The following SH3RF2 variants were observed in gnomAD, a reference collection of about 807,000 sequenced individuals.
SH3RF2 encodes the protein E3 ubiquitin-protein ligase SH3RF2.
SH3RF2 carries 43 observed loss-of-function variants against 59.0 expected under a neutral mutation model. The ratio of observed to expected loss-of-function variants is 0.73; its 90% CI spans 0.57 to 0.94. The LOEUF (loss-of-function observed/expected upper bound fraction) is 0.94, where lower values mean the gene tolerates loss of function less well. Among genes scored for constraint, SH3RF2 ranks in the 40% least tolerant of loss-of-function variants. The pLI, the probability that SH3RF2 is intolerant of heterozygous loss-of-function variation, is 0.00. For missense variants in SH3RF2, 930 were observed against 940.1 expected (o/e 0.99, Z 0.14); for synonymous variants, 391 against 391.5 (o/e 1.00, Z 0.01).
At chr5:146,059,561 C>CGT (rs144618502) in intron 8 of SH3RF2, among the ~76,000 whole-genome samples, 91 of 150,802 alleles carry the variant, frequency 6.0e-4, no homozygotes, top group African/African-American at 2.0e-3. Context: ...TGTGTGTGTG[C>CGT]GTGTGTGTGT....
chr5:145,997,474 T>G, intron 2 of SH3RF2: 1 of 1,560,072 alleles, frequency 6.4e-7, no homozygotes, highest in Non-Finnish European at 8.8e-7. Context: ...AATGGGATAA[T>G]GGATACAGTA....
chr5:145,997,979 A>G, intron 2 of SH3RF2: 1 of 764,724 alleles, frequency 1.3e-6, no homozygotes, highest in Non-Finnish European at 2.4e-6. Context: ...GGTCCCACCC[A>G]GAACATATAG....
At chr5:145,981,664 G>T (rs964546996) in intron 2 of SH3RF2, among the ~76,000 whole-genome samples, 14 of 152,158 alleles carry the variant, frequency 9.2e-5, no homozygotes, top group African/African-American at 3.4e-4. Flanking sequence ...GTGATAGTTA[G>T]ATCTTGAACT....
In SH3RF2 at chr5:146,062,811, G is replaced by A; in HGVS notation, c.*110G>A. 2 of 1,429,498 alleles carry A rather than the reference G, an allele frequency of 1.4e-6. No homozygotes were observed. Among genetic ancestry groups the A allele is most frequent in the Non-Finnish European group, 1.9e-6 (2 of 1,072,348 alleles). The allele number at this position is 1,429,498 out of a possible 1,614,324, so 88.6% of individuals were successfully genotyped here. On this transcript the variant is annotated 3_prime_UTR_variant, in exon 10 of 10. Transcript: ENST00000359120. Reference sequence around the variant, plus strand: ...TTTGGGGACTTGAGCATGGGTCCTTGTTCTTCCTATTTCACCTCCAGGAAA... The same window carrying A: ...TTTGGGGACTTGAGCATGGGTCCTTATTCTTCCTATTTCACCTCCAGGAAA...
chr5:146,003,399 T>C (rs138922148), intron 3 of SH3RF2, among the ~76,000 whole-genome samples: 1 of 152,360 alleles, frequency 6.6e-6, no homozygotes, highest in African/African-American at 2.4e-5. Flanking sequence ...CTTTATTCTA[T>C]GCATGTGTGT....
At chr5:146,081,225 C>T (rs1320021859) in exon 10 of SH3RF2, 1 of 151,110 alleles carries the variant, frequency 6.6e-6, no homozygotes, top group Non-Finnish European at 1.5e-5. Flanking sequence ...GAGTTATTGT[C>T]TCTCACTTCA....
At chr5:145,936,738 C>T (rs1314562258) in intron 1 of SH3RF2, 44 bp downstream of exon 1, 2 of 152,474 alleles carry the variant, frequency 1.3e-5, no homozygotes, top group Non-Finnish European at 2.9e-5. Flanking sequence ...GCCGCGCTGA[C>T]ATCTTTGGAG....
In SH3RF2 at chr5:145,964,266, C is replaced by G. The variant is rs551407897; in HGVS notation, c.378+25960C>G. Among the ~76,000 whole-genome samples, 58 of 134,812 alleles carry G rather than the reference C, an allele frequency of 4.3e-4. 1 individual carries two copies. The South Asian group carries it at 0.013, about 30-fold the overall frequency. The allele number at this position is 134,812 out of a possible 152,430, so 88.4% of individuals were successfully genotyped here. A position where few individuals can be genotyped will look rare whatever the true frequency, so the allele number is the denominator to read the frequency against. On this transcript the variant is annotated intron_variant, in intron 2 of 9. Coordinates refer to ENST00000359120, the MANE Select transcript of SH3RF2 (RefSeq NM_152550.4). ...CTTCTTTCTCTTTCTTTCTTCTTTC[C>G]CTTCTTTTCCTTCCTTCCTTCCTTC... is the stretch of plus-strand genomic sequence containing the variant.
chr5:145,966,137 A>T (rs1369958860), intron 2 of SH3RF2, among the ~76,000 whole-genome samples: 1 of 152,184 alleles, frequency 6.6e-6, no homozygotes, highest in African/African-American at 2.4e-5. Context: ...CACAATAGGA[A>T]ACCTCTAGGA....
chr5:146,079,991 C>G (rs1175286249), exon 10 of SH3RF2: 1 of 152,254 alleles, frequency 6.6e-6, no homozygotes, highest in African/African-American at 2.4e-5. Context: ...TCTCTGGGAA[C>G]TTTCCATGAG....
At position 146,060,184 on chromosome 5, in the gene SH3RF2, T is replaced by G. The variant is rs960168746; in HGVS notation, c.1874T>G (p.Ile625Ser). 6.2e-7 allele frequency: 1 copy of G among 1,612,454 alleles called. No individual in the cohort carries two copies. The highest frequency in any genetic ancestry group is 1.3e-5 in the African/African-American group (1 of 74,832). ...CCGCCCGCATCTGCCCCACCATCCA[T>G]CCTGGTGAAACCAGAAAACTCAAGA... ...PKPPASAPPS[I>S]LVKPENSRNG... Residue 625 changes from isoleucine to serine, a missense_variant, in exon 9 of 10, where the codon ATC (isoleucine) becomes AGC (serine). Ile to Ser is a moderately radical substitution (Grantham distance 142). Coordinates refer to ENST00000359120, the MANE Select transcript of SH3RF2 (RefSeq NM_152550.4).
At chr5:146,018,531 A>G (rs1761194026) in intron 5 of SH3RF2, among the ~76,000 whole-genome samples, 1 of 149,862 alleles carries the variant, frequency 6.7e-6, no homozygotes, top group Admixed American at 6.8e-5. Flanking sequence ...CACACACACC[A>G]CATTTTCTTT....
At chr5:146,026,816 GT>G (rs1487249794) in intron 5 of SH3RF2, among the ~76,000 whole-genome samples, 1 of 152,190 alleles carries the variant, frequency 6.6e-6, no homozygotes, top group African/African-American at 2.4e-5. Context: ...CTGAGCCTCA[GT>G]TTTTATATCT....
rs1166195561 is a variant in SH3RF2, at chr5:146,056,065, C to T, written c.1407C>T (p.Gly469=). 2 of 1,614,120 alleles carry T rather than the reference C, an allele frequency of 1.2e-6. No homozygotes were observed. Among genetic ancestry groups the T allele is most frequent in the East Asian group, 2.2e-5 (1 of 44,898 alleles). Residue 469 remains glycine (G), a synonymous_variant, in exon 8 of 10, where the codon GGC becomes GGT. Transcript: ENST00000359120. ...CCACCTCCTCTGTGTCCTCCCAAGGCAGCATTTCAGAAGGTGATCCACGGC... is the reference window on the plus strand; with the variant it reads ...CCACCTCCTCTGTGTCCTCCCAAGGTAGCATTTCAGAAGGTGATCCACGGC... ...TLSTSSVSSQ[G]SISEGDPRQS...
At chr5:146,033,065 T>C (rs906255644) in intron 5 of SH3RF2, among the ~76,000 whole-genome samples, 1 of 152,224 alleles carries the variant, frequency 6.6e-6, no homozygotes, top group Non-Finnish European at 1.5e-5. Flanking sequence ...CTCTGTGGCC[T>C]TGGGCAAGTT....
chr5:146,073,192 C>T (rs919172153), intron 9 of SH3RF2, among the ~76,000 whole-genome samples: 4 of 152,174 alleles, frequency 2.6e-5, no homozygotes, highest in African/African-American at 9.7e-5. Context: ...GGCAATATGA[C>T]AATTATTTTA....
chr5:145,969,111 G>T (rs1206447515), intron 2 of SH3RF2, among the ~76,000 whole-genome samples: 1 of 152,192 alleles, frequency 6.6e-6, no homozygotes, highest in African/African-American at 2.4e-5. Context: ...ATGGCCAAGG[G>T]TGTGCAAATA....
intron 2 of SH3RF2, among the ~76,000 whole-genome samples, chr5:145,966,041 T>C (rs1758844202): frequency 6.6e-6 from 1 of 152,076 alleles, no homozygotes; most frequent in Non-Finnish European, 1.5e-5. Context: ...GTGGAGCTGT[T>C]AGAAGCCATG....
chr5:145,970,811 A>G (rs1046570542), intron 2 of SH3RF2, among the ~76,000 whole-genome samples: 2 of 152,164 alleles, frequency 1.3e-5, no homozygotes, highest in African/African-American at 4.8e-5. Flanking sequence ...TTTTTTTAAG[A>G]AGGAAGTTAA....
Sources: gnomAD v4.1 joint callset for allele counts (sites outside exome capture counted in the v4.1 genomes callset) on GRCh38, gnomAD v4.1.1 for gene constraint, MANE v1.5 for transcripts, NCBI Gene and HGNC (gene_info 2026-07-23, HGNC 2026-07-21) for gene names.